Variants in AUH observed in about 807,000 individuals in gnomAD.
The protein encoded by AUH is methylglutaconyl-CoA hydratase, mitochondrial.
AUH carries 29 observed loss-of-function variants against 42.3 expected under a neutral mutation model. That is an observed-to-expected ratio of 0.69 (90% CI 0.51 to 0.93). AUH has a LOEUF of 0.93. Ranked by LOEUF, AUH falls within the 40% of genes least tolerant of loss-of-function variation. The pLI is 0.00. For missense variants in AUH, 452 were observed against 438.1 expected (o/e 1.03, Z -0.28); for synonymous variants, 174 against 166.4 (o/e 1.05, Z -0.35).
intron 3 of AUH, among the ~76,000 whole-genome samples, chr9:91,344,658 G>A (rs1001914540): frequency 6.6e-6 from 1 of 152,100 alleles, no homozygotes; most frequent in Non-Finnish European, 1.5e-5. Context: ...AAACAATTAA[G>A]TAAGAAATAA....
intron 6 of AUH, among the ~76,000 whole-genome samples, chr9:91,266,528 T>C (rs1224718331): frequency 6.6e-6 from 1 of 152,166 alleles, no homozygotes; most frequent in Non-Finnish European, 1.5e-5. Flanking sequence ...GCCTCTACAA[T>C]AATAAACCCT....
In AUH at chr9:91,291,403, T is replaced by C. The variant is rs1826874469; in HGVS notation, c.655+4618A>G. On this transcript the variant is annotated intron_variant, in intron 6 of 9. Coordinates refer to ENST00000375731, the MANE Select transcript of AUH (RefSeq NM_001698.3). ...TAATCACATCCTCATTACCAACAAA[T>C]GCTTACTTCTCAAAAGAATTTCAGA... is the stretch of plus-strand genomic sequence containing the variant. Among the ~76,000 whole-genome samples the C allele has an allele frequency of 2.0e-5, 3 of 152,218 alleles. No homozygotes were observed. The South Asian group carries it at 6.2e-4, about 31-fold the overall frequency.
chr9:91,331,169 G>C (rs1182659623), intron 3 of AUH, among the ~76,000 whole-genome samples: 6 of 152,036 alleles, frequency 3.9e-5, no homozygotes. Context: ...GAGACAAAAA[G>C]AGTAAAAAAT....
intron 4 of AUH, among the ~76,000 whole-genome samples, chr9:91,303,610 A>C (rs1461889416): frequency 6.6e-6 from 1 of 152,196 alleles, no homozygotes; most frequent in East Asian, 1.9e-4. Context: ...TACAGGCGTA[A>C]GCCACTGCGC....
At chr9:91,321,957 A>G (rs1437864171) in intron 4 of AUH, among the ~76,000 whole-genome samples, 1 of 152,202 alleles carries the variant, frequency 6.6e-6, no homozygotes, top group Non-Finnish European at 1.5e-5. Context: ...CCTTCAAGAT[A>G]AAGCCTGCCT....
intron 4 of AUH, among the ~76,000 whole-genome samples, chr9:91,321,346 C>T (rs1428695073): frequency 1.3e-5 from 2 of 152,062 alleles, no homozygotes; most frequent in Non-Finnish European, 2.9e-5. Flanking sequence ...TTTCTCTTTA[C>T]ATTTTTTTAA....
chr9:91,321,543 GC>G (rs1316526899), intron 4 of AUH, among the ~76,000 whole-genome samples: 1 of 152,108 alleles, frequency 6.6e-6, no homozygotes, highest in African/African-American at 2.4e-5. Context: ...AAAGGTATAA[GC>G]CAAGCATGCA....
At chr9:91,344,626 G>A (rs1831349533) in intron 3 of AUH, among the ~76,000 whole-genome samples, 1 of 152,150 alleles carries the variant, frequency 6.6e-6, no homozygotes, top group Non-Finnish European at 1.5e-5. Context: ...TAGACCAAAT[G>A]ACTTCGTTGG....
At chr9:91,312,680 C>T (rs997655822) in intron 4 of AUH, among the ~76,000 whole-genome samples, 2 of 152,156 alleles carry the variant, frequency 1.3e-5, no homozygotes, top group Non-Finnish European at 2.9e-5. Context: ...GAGCCGAGAT[C>T]GTGCCACTGC....
chr9:91,241,644 G>C (rs1280552735), intron 6 of AUH, among the ~76,000 whole-genome samples: 1 of 152,102 alleles, frequency 6.6e-6, no homozygotes, highest in Non-Finnish European at 1.5e-5. Context: ...TTTTAATGCA[G>C]TAACATTTGC....
chr9:91,306,102 G>A (rs762441902), intron 4 of AUH, among the ~76,000 whole-genome samples: 1 of 152,122 alleles, frequency 6.6e-6, no homozygotes, highest in East Asian at 1.9e-4. Context: ...GACTGTAATC[G>A]AGTTCTGACT....
chr9:91,331,816 T>C (rs539707628), intron 3 of AUH, among the ~76,000 whole-genome samples: 13 of 152,324 alleles, frequency 8.5e-5, no homozygotes, highest in Admixed American at 2.6e-4. Context: ...GAAAACACAC[T>C]ATTCTCTGTT....
intron 6 of AUH, among the ~76,000 whole-genome samples, chr9:91,250,134 A>C (rs1829046706): frequency 6.6e-6 from 1 of 152,224 alleles, no homozygotes; most frequent in African/African-American, 2.4e-5. Flanking sequence ...AGGAGCTGTC[A>C]AGAACCTGGC....
chr9:91,261,236 T>C (rs1370874340), intron 6 of AUH, among the ~76,000 whole-genome samples: 1 of 152,208 alleles, frequency 6.6e-6, no homozygotes, highest in Non-Finnish European at 1.5e-5. Context: ...TCAAAGCATA[T>C]TGAATGATGT....
chr9:91,245,798 G>C (rs1282193604), intron 6 of AUH, among the ~76,000 whole-genome samples: 3 of 152,288 alleles, frequency 2.0e-5, no homozygotes, highest in Admixed American at 6.5e-5. Context: ...GCAAGCCTGG[G>C]GAGCCTGCTC....
At chr9:91,261,294 C>T (rs566416493) in intron 6 of AUH, among the ~76,000 whole-genome samples, 35 of 152,242 alleles carry the variant, frequency 2.3e-4, no homozygotes, top group African/African-American at 7.7e-4. Flanking sequence ...CCTTTTGGGA[C>T]TTGTTTCTAA....
chr9:91,216,188 C>T (rs905672489), intron 8 of AUH, 82 bp from the exon 9 acceptor site: 2 of 1,339,636 alleles, frequency 1.5e-6, no homozygotes, highest in Non-Finnish European at 2.1e-6. Context: ...AATTGAATAA[C>T]CTTATCCCCA....
At chr9:91,267,279 T>C (rs1830025860) in intron 6 of AUH, among the ~76,000 whole-genome samples, 1 of 152,168 alleles carries the variant, frequency 6.6e-6, no homozygotes, top group Admixed American at 6.5e-5. Context: ...TCACCTTCAT[T>C]TTACAGAGAA....
At chr9:91,225,423 C>T (rs888932168) in intron 6 of AUH, among the ~76,000 whole-genome samples, 3 of 152,154 alleles carry the variant, frequency 2.0e-5, no homozygotes, top group South Asian at 2.1e-4. Context: ...GTGAAGATAG[C>T]GTATCCTATT....
Sources: allele counts gnomAD v4.1 joint callset (sites outside exome capture counted in the v4.1 genomes callset), GRCh38; gene constraint gnomAD v4.1.1; transcripts MANE v1.5; gene names NCBI Gene and HGNC (gene_info 2026-07-23, HGNC 2026-07-21).